SPATA20: variants seen among roughly 807,000 people sequenced by gnomAD.
SPATA20 encodes spermatogenesis-associated protein 20.
Under a neutral mutation model 98.9 loss-of-function variants are expected in SPATA20, and 74 were observed. That is an observed-to-expected ratio of 0.75 (90% confidence interval 0.62 to 0.91). SPATA20 has a LOEUF of 0.91. SPATA20 is among the 40% of genes least tolerant of loss of function. The probability of loss-of-function intolerance (pLI) is 0.00; values close to 1 mark genes in which losing one functional copy is unlikely to be tolerated. For synonymous variants in SPATA20, 430 were observed against 440.5 expected (o/e 0.98, Z 0.30); for missense variants, 1,016 against 1,069.8 (o/e 0.95, Z 0.70).
Position 50,555,764 on chromosome 17 carries a change from A to G in SPATA20, c.*102A>G. ...ATAGAACCTGTGGCCATCCCTGAGC[A>G]CCCTGCCACCAGGTGACCTCGGCCA... On this transcript the variant is annotated 3_prime_UTR_variant, in exon 17 of 17. Coordinates refer to ENST00000006658, the MANE Select transcript of SPATA20 (RefSeq NM_022827.4). 2 of 1,055,448 alleles carry G rather than the reference A, an allele frequency of 1.9e-6. No individual in the cohort carries two copies. The allele number at this position is 1,055,448 out of a possible 1,614,324, so 65.4% of individuals were successfully genotyped here.
chr17:50,551,547 T>A lies in SPATA20; in HGVS notation c.1613T>A (p.Val538Asp). Reference sequence around the variant, plus strand: ...TCAGGCTATGCTGTGACTGGGGCTGTCCTGGGCCAAGACAGGCTGATCAAC... The same window carrying A: ...TCAGGCTATGCTGTGACTGGGGCTGACCTGGGCCAAGACAGGCTGATCAAC... Reference protein sequence around the residue: ...MVSGYAVTGAVLGQDRLINYA... With the variant: ...MVSGYAVTGADLGQDRLINYA... Residue 538 changes from valine to aspartate, a missense_variant, in exon 13 of 17, where the codon GTC becomes GAC. Physicochemically the swap from Val to Asp is radical, Grantham distance 152 (BLOSUM62 -3). Transcript: ENST00000006658. 6.2e-7 allele frequency: 1 copy of A among 1,603,226 alleles called. No homozygotes were observed. The highest frequency in any genetic ancestry group is 8.5e-7 in the Non-Finnish European group (1 of 1,170,966).
At chr17:50,550,498 ACC>A (rs1388333898) in intron 9 of SPATA20, 36 bp from the exon 10 acceptor site, 2 of 1,507,180 alleles carry the variant, frequency 1.3e-6, no homozygotes, top group Admixed American at 1.7e-5. Context: ...CTCCCCAGTG[ACC>A]TCTCTGTTCA....
intron 14 of SPATA20, among the ~76,000 whole-genome samples, chr17:50,553,977 C>T (rs529639293): frequency 6.6e-6 from 1 of 152,260 alleles, no homozygotes; most frequent in Non-Finnish European, 1.5e-5. Flanking sequence ...GCTTGAGCAG[C>T]TGAGTGGCTG....
At position 50,549,292 on chromosome 17, in the gene SPATA20, C is replaced by G. The variant is rs764963810; in HGVS notation, c.667C>G (p.Gln223Glu). The G allele has an allele frequency of 3.4e-5, 54 of 1,610,158 alleles. 1 individual carries two copies. The Admixed American group carries it at 8.5e-4, about 25-fold the overall frequency. The part of the protein sequence containing the change: ...VLLRIREQWK[Q>E]NKNTLLENSQ... ...GTGCCCCCACCTCCCGCAGTGGAAA[C>G]AGAACAAGAACACCCTGCTAGAAAA... The change falls in exon 7 of 17, where the codon CAG becomes GAG. Residue 223 changes from glutamine (Q) to glutamate (E), a missense_variant. Coordinates refer to ENST00000006658, the MANE Select transcript of SPATA20 (RefSeq NM_022827.4).
Position 50,552,003 on chromosome 17 carries a change from G to A in SPATA20, c.1780G>A (p.Ala594Thr), listed in dbSNP as rs1427062458. ...CTGCTGGGGCTTCCTGGAGGACTAC[G>A]CCTTCGTGGTGCGGGGCCTGCTGGA... The part of the protein sequence containing the change: ...PPCWGFLEDY[A>T]FVVRGLLDLY... The change falls in exon 14 of 17, where the codon GCC becomes ACC. Residue 594 changes from alanine to threonine, a missense_variant. Transcript: ENST00000006658. The A allele has an allele frequency of 7.4e-6, 12 of 1,611,596 alleles. No individual in the cohort carries two copies. Among genetic ancestry groups the A allele is most frequent in the Middle Eastern group, 1.7e-4 (1 of 6,050 alleles).
In SPATA20 at chr17:50,549,052, A is replaced by C; in HGVS notation, c.526A>C (p.Ser176Arg). 7 of 1,613,732 alleles carry C rather than the reference A, an allele frequency of 4.3e-6. No individual in the cohort carries two copies. Among genetic ancestry groups the C allele is most frequent in the Non-Finnish European group, 5.9e-6 (7 of 1,179,948 alleles). Residue 176 changes from serine to arginine, a missense_variant, in exon 6 of 17, where the codon AGC (serine) becomes CGC (arginine). By Grantham distance (110) the Ser-to-Arg change is moderately radical. Coordinates refer to ENST00000006658, the MANE Select transcript of SPATA20 (RefSeq NM_022827.4). ...VYMTFVQATS[S>R]GGGWPMNVWL... ...GCCCTCTCTCCGCCAGGCCACCAGC[A>C]GCGGCGGGGGCTGGCCCATGAATGT... is the stretch of plus-strand genomic sequence containing the variant.
At chr17:50,548,728 C>T (rs576177342) in intron 4 of SPATA20, 82 bp from the exon 5 acceptor site, 1 of 1,591,762 alleles carries the variant, frequency 6.3e-7, no homozygotes, top group African/African-American at 1.3e-5. Flanking sequence ...GCCAGGACGT[C>T]TTCCATGTAG....
intron 7 of SPATA20, 125 bp downstream of exon 7, chr17:50,549,612 C>A (rs1004508338): frequency 4.1e-6 from 4 of 985,712 alleles, no homozygotes; most frequent in Non-Finnish European, 4.4e-6. Context: ...GACCTCCTTG[C>A]CCCTAGCCTG....
intron 2 of SPATA20, 27 bp from the exon 3 acceptor site, chr17:50,548,256 C>T: frequency 6.2e-7 from 1 of 1,608,936 alleles, no homozygotes. Flanking sequence ...AGGCCCCTGG[C>T]TTGCCTGATG....
At position 50,548,795 on chromosome 17, in the gene SPATA20, C is replaced by A; in HGVS notation, c.362-15C>A. 1 of 1,607,980 alleles carries A rather than the reference C, an allele frequency of 6.2e-7. No homozygotes were observed. On this transcript the variant is annotated splice_polypyrimidine_tract_variant and intron_variant, in intron 4 of 16. Transcript: ENST00000006658. ...CGTTGCTGGCCCCCTGACCTCTCCC[C>A]ATGGCCCTGTTCAGTCGGGTACTCC...
chr17:50,553,671 C>G (rs960550857), intron 14 of SPATA20, among the ~76,000 whole-genome samples: 7 of 151,790 alleles, frequency 4.6e-5, no homozygotes, highest in African/African-American at 1.7e-4. Flanking sequence ...AGCCACCATG[C>G]CCGGCTGGCA....
intron 1 of SPATA20, 136 bp from the exon 2 acceptor site, chr17:50,547,584 G>T (rs2034933531): frequency 2.8e-6 from 2 of 721,174 alleles, no homozygotes; most frequent in Admixed American, 2.0e-5. Flanking sequence ...AGTGCTGGAT[G>T]CTGGGTCAAG....
chr17:50,549,419 A>G lies in SPATA20; in HGVS notation c.794A>G (p.Gln265Arg). 2 of 1,612,696 alleles carry G rather than the reference A, an allele frequency of 1.2e-6. No homozygotes were observed. The highest frequency in any genetic ancestry group is 1.1e-5 in the South Asian group (1 of 91,076). Residue 265 changes from glutamine (Q) to arginine (R), a missense_variant, in exon 7 of 17, where the codon CAG becomes CGG. Coordinates refer to ENST00000006658, the MANE Select transcript of SPATA20 (RefSeq NM_022827.4). ...GCCACCGTGAACAATCGCTGCTTCCAGCAGCTGGATGAGGGCTATGATGAG... is the reference window on the plus strand; with the variant it reads ...GCCACCGTGAACAATCGCTGCTTCCGGCAGCTGGATGAGGGCTATGATGAG... Reference protein sequence around the residue: ...SAATVNNRCFQQLDEGYDEEY... With the variant: ...SAATVNNRCFRQLDEGYDEEY...
intron 9 of SPATA20, 37 bp downstream of exon 9, chr17:50,550,349 A>T: frequency 1.3e-6 from 2 of 1,497,242 alleles, no homozygotes; most frequent in Non-Finnish European, 1.8e-6. Flanking sequence ...CAGGCATCTC[A>T]CTCTGGCTGC....
intron 14 of SPATA20, among the ~76,000 whole-genome samples, chr17:50,552,913 G>A (rs1417003421): frequency 6.6e-6 from 1 of 152,222 alleles, no homozygotes; most frequent in Non-Finnish European, 1.5e-5. Context: ...TTGATGTAAA[G>A]ATGAATGTAG....
At chr17:50,551,446 T>A in intron 12 of SPATA20, 65 bp from the exon 13 acceptor site, 1 of 1,522,992 alleles carries the variant, frequency 6.6e-7, no homozygotes, top group Non-Finnish European at 9.0e-7. Flanking sequence ...CCTAAGGTGA[T>A]AGGGTGGACA....
In SPATA20 at chr17:50,551,608, CAT is replaced by C. The variant is rs1196984746; in HGVS notation, c.1675_1676del (p.Met559ValfsTer2). 5 of 1,608,168 alleles carry C rather than the reference CAT, an allele frequency of 3.1e-6. No individual in the cohort carries two copies. Among genetic ancestry groups the C allele is most frequent in the African/African-American group, 1.3e-5 (1 of 74,856 alleles). The part of the protein sequence containing the change: ...TNGAKFLKRH[M>X]FDVASGRLMR... ...ATGGTGCCAAGTTCCTGAAGCGGCA[CAT>C]GTTTGATGTGGCCAGTGGCCGCCTG... On this transcript the variant is annotated frameshift_variant, in exon 13 of 17. Transcript: ENST00000006658. LOFTEE classifies it high-confidence loss of function.
rs369096096 is a variant in SPATA20, at chr17:50,552,490, C to T, written c.1957+310C>T. On this transcript the variant is annotated intron_variant, in intron 14 of 16. Transcript: ENST00000006658. Reference sequence around the variant, plus strand: ...GTGTTTTGTTTCGTTCCTTTCTTTTCTTTTTATTTCCTTTCTCTTTCTTTC... The same window carrying T: ...GTGTTTTGTTTCGTTCCTTTCTTTTTTTTTTATTTCCTTTCTCTTTCTTTC... Among the ~76,000 whole-genome samples, 1,025 of 134,970 alleles carry T rather than the reference C, an allele frequency of 7.6e-3. 7 individuals carry two copies. Among genetic ancestry groups the T allele is most frequent in the Non-Finnish European group, 7.5e-3 (483 of 64,254 alleles). The allele number at this position is 134,970 out of a possible 152,430, so 88.5% of individuals were successfully genotyped here. A position where few individuals can be genotyped will look rare whatever the true frequency, so the allele number is the denominator to read the frequency against.
Position 50,555,686 on chromosome 17 carries a change from G to A in SPATA20, c.*24G>A. On this transcript the variant is annotated 3_prime_UTR_variant, in exon 17 of 17. Coordinates refer to ENST00000006658, the MANE Select transcript of SPATA20 (RefSeq NM_022827.4). ...GACTGCCCCAACCCCCTTGGGGTGG[G>A]GCAGAAGGTGAAGCATCCCAACTGA... 3 of 1,600,356 alleles carry A rather than the reference G, an allele frequency of 1.9e-6. No homozygotes were observed. The highest frequency in any genetic ancestry group is 1.1e-5 in the South Asian group (1 of 89,634).
Sources: gnomAD v4.1 joint callset for allele counts (sites outside exome capture counted in the v4.1 genomes callset) on GRCh38, gnomAD v4.1.1 for gene constraint, MANE v1.5 for transcripts, NCBI Gene and HGNC (gene_info 2026-07-23, HGNC 2026-07-21) for gene names.